The following BRD3 variants were observed in gnomAD, a reference collection of about 807,000 sequenced individuals.
BRD3 encodes bromodomain-containing protein 3.
Under a neutral mutation model 66.8 loss-of-function variants are expected in BRD3, and 17 were observed. That is an observed-to-expected ratio of 0.25 (90% CI 0.17 to 0.38). BRD3 has a LOEUF of 0.38. Among genes scored for constraint, BRD3 ranks in the 10% least tolerant of loss-of-function variants. The pLI is 1.00. For synonymous variants in BRD3, 421 were observed against 393.2 expected (o/e 1.07, Z -0.84); for missense variants, 713 against 956.1 (o/e 0.75, Z 3.35).
chr9:134,036,490 C>T (rs1829917492), intron 9 of BRD3, 166 bp from the exon 10 acceptor site: 1 of 1,584,500 alleles, frequency 6.3e-7, no homozygotes, highest in African/African-American at 1.4e-5. Flanking sequence ...AAGTCGCTCC[C>T]AGCTGCGGGG....
chr9:134,041,954 G>A lies in BRD3; in HGVS notation c.1216-3C>T, dbSNP rs750205705. 2 of 1,571,956 alleles carry A rather than the reference G, an allele frequency of 1.3e-6. No homozygotes were observed. Among genetic ancestry groups the A allele is most frequent in the Admixed American group, 1.8e-5 (1 of 57,030 alleles). ...GCAAACCTCATCTCAAACACGTCCT[G>A]CGGCAGAACAGAGGCTGCCCTGAAG... is the stretch of plus-strand genomic sequence containing the variant. On this transcript the variant is annotated splice_region_variant and splice_polypyrimidine_tract_variant and intron_variant, in intron 7 of 11. Transcript: ENST00000303407.
intron 1 of BRD3, 68 bp from the exon 2 acceptor site, chr9:134,053,658 C>T (rs1471127991): frequency 4.0e-5 from 55 of 1,378,948 alleles, no homozygotes; most frequent in East Asian, 1.0e-4. Context: ...CTCCCAGCCT[C>T]GGCGGGCTCC....
At chr9:134,049,216 G>A (rs1291106811) in intron 5 of BRD3, among the ~76,000 whole-genome samples, 1 of 152,198 alleles carries the variant, frequency 6.6e-6, no homozygotes, top group African/African-American at 2.4e-5. Context: ...GGGGTGTGCA[G>A]GTCTCTCTGG....
At chr9:134,035,188 C>T (rs1367628661) in intron 10 of BRD3, among the ~76,000 whole-genome samples, 1 of 152,232 alleles carries the variant, frequency 6.6e-6, no homozygotes, top group Non-Finnish European at 1.5e-5. Flanking sequence ...GGACCTGCCT[C>T]ACCAGGGCCG....
In BRD3 at chr9:134,048,462, A is replaced by G; in HGVS notation, c.715-8T>C. 6.3e-7 allele frequency: 1 copy of G among 1,598,336 alleles called. No individual in the cohort carries two copies. The highest frequency in any genetic ancestry group is 8.5e-7 in the Non-Finnish European group (1 of 1,179,856). ...CCGCTTCACGCCCTTTTTCTGCGAC[A>G]GTGAAATAACCAGTGAACCCCGGAA... is the stretch of plus-strand genomic sequence containing the variant. On this transcript the variant is annotated splice_region_variant and splice_polypyrimidine_tract_variant and intron_variant, in intron 5 of 11. Transcript: ENST00000303407.
At chr9:134,049,197 G>A (rs1004298252) in intron 5 of BRD3, among the ~76,000 whole-genome samples, 4 of 152,198 alleles carry the variant, frequency 2.6e-5, no homozygotes, top group Non-Finnish European at 5.9e-5. Context: ...TTAACGTCCA[G>A]GCCTCCTGGG....
rs762148397 is a variant in BRD3, at chr9:134,041,830, C to T, written c.1337G>A (p.Ser446Asn). Residue 446 changes from serine to asparagine, a missense_variant, in exon 8 of 12, where the codon AGC (serine) becomes AAC (asparagine). Transcript: ENST00000303407. Reference sequence around the variant, plus strand: ...GTCCGAGCTGCCTGAGTCCGAAGAGCTCTCCTCACTGCTACGGCTGCTCTC... The same window carrying T: ...GTCCGAGCTGCCTGAGTCCGAAGAGTTCTCCTCACTGCTACGGCTGCTCTC... ...GAESSRSSEE[S>N]SSDSGSSDSE... is the part of the protein sequence containing the mutation. The T allele has an allele frequency of 5.6e-6, 9 of 1,612,998 alleles. No homozygotes were observed. Among genetic ancestry groups the T allele is most frequent in the Non-Finnish European group, 5.9e-6 (7 of 1,179,882 alleles).
At chr9:134,065,411 G>C (rs527426777) in intron 1 of BRD3, among the ~76,000 whole-genome samples, 1 of 149,746 alleles carries the variant, frequency 6.7e-6, no homozygotes, top group East Asian at 2.0e-4. Context: ...GCAACAATGC[G>C]AGACTCCATC....
At chr9:134,034,361 G>A (rs1247137060) in intron 11 of BRD3, among the ~76,000 whole-genome samples, 3 of 152,192 alleles carry the variant, frequency 2.0e-5, no homozygotes, top group African/African-American at 7.2e-5. Context: ...CACTGCCAGG[G>A]AACAGTCAGA....
intron 7 of BRD3, among the ~76,000 whole-genome samples, chr9:134,042,883 A>G (rs552443040): frequency 5.5e-4 from 83 of 152,110 alleles, no homozygotes; most frequent in African/African-American, 2.0e-3. Context: ...TCTTTTGCCC[A>G]GGCTGGAGTG....
chr9:134,064,663 C>T (rs1462668621), intron 1 of BRD3, among the ~76,000 whole-genome samples: 1 of 152,128 alleles, frequency 6.6e-6, no homozygotes, highest in Non-Finnish European at 1.5e-5. Context: ...GAGTTTGAGA[C>T]CAGCCTGGCC....
At chr9:134,039,896 C>G (rs1588275955) in intron 9 of BRD3, 138 bp downstream of exon 9, 1 of 1,447,370 alleles carries the variant, frequency 6.9e-7, no homozygotes, top group African/African-American at 1.4e-5. Context: ...TCATCAGGCC[C>G]TCTGTCTCCC....
chr9:134,067,532 G>T (rs1199514790), intron 1 of BRD3, among the ~76,000 whole-genome samples: 1 of 148,322 alleles, frequency 6.7e-6, no homozygotes, highest in South Asian at 2.1e-4. Flanking sequence ...CCCTTCGAAA[G>T]ATGGCGGGCG....
At chr9:134,052,138 C>T (rs944733466) in intron 3 of BRD3, among the ~76,000 whole-genome samples, 168 bp downstream of exon 3, 3 of 152,110 alleles carry the variant, frequency 2.0e-5, no homozygotes, top group East Asian at 3.9e-4. Context: ...AGTGATCCGC[C>T]GACCTCGGCC....
At chr9:134,048,914 C>T (rs1211714945) in intron 5 of BRD3, among the ~76,000 whole-genome samples, 1 of 152,168 alleles carries the variant, frequency 6.6e-6, no homozygotes, top group African/African-American at 2.4e-5. Context: ...GCGGGGGCTC[C>T]GCGGACAAAC....
rs560988719 is a variant in BRD3 at position 134,054,034 on chromosome 9, C to T, written c.-113-444G>A. 6.4e-5 allele frequency: 10 copies of T among 155,142 alleles called. No individual in the cohort carries two copies. The South Asian group carries it at 8.1e-4, about 13-fold the overall frequency. The allele number at this position is 155,142 out of a possible 1,614,324, so 9.6% of individuals were successfully genotyped here. Reference sequence around the variant, plus strand: ...AGAGTGACCCATGCGTGGACAGCCACGGTGCGGGCCCAACACAGCCAGGGG... The same window carrying T: ...AGAGTGACCCATGCGTGGACAGCCATGGTGCGGGCCCAACACAGCCAGGGG... On this transcript the variant is annotated intron_variant, in intron 1 of 11. Coordinates refer to ENST00000303407, the MANE Select transcript of BRD3 (RefSeq NM_007371.4).
Position 134,030,372 on chromosome 9 carries a change from T to C in BRD3, c.*3218A>G, listed in dbSNP as rs1252185330. 2 of 166,366 alleles carry C rather than the reference T, an allele frequency of 1.2e-5. No homozygotes were observed. Among genetic ancestry groups the C allele is most frequent in the Non-Finnish European group, 2.5e-5 (2 of 78,764 alleles). 10.3% of individuals were successfully genotyped at this position (166,366 alleles called of 1,614,324 possible). ...ACAAATGCCCCAGGAGAAGGGTCCATGATTACCAGAAACATCAAAGAGTAC... is the reference window on the plus strand; with the variant it reads ...ACAAATGCCCCAGGAGAAGGGTCCACGATTACCAGAAACATCAAAGAGTAC... On this transcript the variant is annotated 3_prime_UTR_variant, in exon 12 of 12. Coordinates refer to ENST00000303407, the MANE Select transcript of BRD3 (RefSeq NM_007371.4).
rs36093130 is a variant in BRD3, at chr9:134,041,864, T to G, written c.1303A>C (p.Lys435Gln). 0.014 allele frequency: 22,759 copies of G among 1,612,800 alleles called. 210 individuals are homozygous for G. The highest frequency in any genetic ancestry group is 0.017 in the Non-Finnish European group (19,787 of 1,179,648). The change falls in exon 8 of 12, where the codon AAG (lysine) becomes CAG (glutamine). Residue 435 changes from lysine to glutamine, a missense_variant. Coordinates refer to ENST00000303407, the MANE Select transcript of BRD3 (RefSeq NM_007371.4). ...CTGCTACGGCTGCTCTCAGCGCCCT[T>G]GCTCACCATGGGGGCCGCGGGGGCA... ...LPAPAAPMVSKGAESSRSSEE... is the reference protein window; with the variant it reads ...LPAPAAPMVSQGAESSRSSEE...
chr9:134,036,342 G>A lies in BRD3; in HGVS notation c.1644-18C>T. 1 of 1,586,304 alleles carries A rather than the reference G, an allele frequency of 6.3e-7. No homozygotes were observed. The highest frequency in any genetic ancestry group is 8.6e-7 in the Non-Finnish European group (1 of 1,166,008). On this transcript the variant is annotated intron_variant, in intron 9 of 11. Coordinates refer to ENST00000303407, the MANE Select transcript of BRD3 (RefSeq NM_007371.4). Reference sequence around the variant, plus strand: ...TCAGCTGTCTGGGGCAGGAGACAGAGCAACGTGGTGTTGAGTCTCCGTCTA... The same window carrying A: ...TCAGCTGTCTGGGGCAGGAGACAGAACAACGTGGTGTTGAGTCTCCGTCTA...
Sources: gnomAD v4.1 joint callset for allele counts (sites outside exome capture counted in the v4.1 genomes callset) on GRCh38, gnomAD v4.1.1 for gene constraint, MANE v1.5 for transcripts, NCBI Gene and HGNC (gene_info 2026-07-23, HGNC 2026-07-21) for gene names.